TENM3: variants seen among roughly 807,000 people sequenced by gnomAD.
TENM3 encodes the protein teneurin-3.
In TENM3, 63 loss-of-function variants were observed where a neutral mutation model predicts 255.1. The observed-to-expected ratio is 0.25, with a 90% CI of 0.20 to 0.30. TENM3 has a LOEUF of 0.30. TENM3 is among the 10% of genes least tolerant of loss of function. The pLI, the probability that TENM3 is intolerant of heterozygous loss-of-function variation, is 1.00. For missense variants in TENM3, 2,929 were observed against 3,461.1 expected, an observed-to-expected ratio of 0.85 and a Z score of 3.86; for synonymous variants, 1,306 against 1,322.3, an observed-to-expected ratio of 0.99 and a Z score of 0.27.
At chr4:182,796,149 A>AT (rs1160344584) in intron 26 of TENM3, among the ~76,000 whole-genome samples, 1 of 152,192 alleles carries the variant, frequency 6.6e-6, no homozygotes, top group Non-Finnish European at 1.5e-5. Flanking sequence ...TCAACTGTTG[A>AT]TTTTAATACT....
chr4:182,359,056 C>T (rs1433378144), intron 3 of TENM3, among the ~76,000 whole-genome samples: 1 of 151,406 alleles, frequency 6.6e-6, no homozygotes, highest in Non-Finnish European at 1.5e-5. Context: ...GCCTTGCACC[C>T]CAGGGATGAA....
the TENM3 span, among the ~76,000 whole-genome samples, chr4:181,573,878 C>T: frequency 6.6e-6 from 1 of 152,158 alleles, no homozygotes; most frequent in African/African-American, 2.4e-5. Context: ...TTCTTCAGAA[C>T]AAACCTGTCC....
the TENM3 span, among the ~76,000 whole-genome samples, chr4:181,664,996 C>A: frequency 2.0e-5 from 3 of 152,172 alleles, no homozygotes; most frequent in South Asian, 4.1e-4. Flanking sequence ...TAGGGATTAA[C>A]TCCTTTCATA....
At chr4:181,739,659 C>T in the TENM3 span, among the ~76,000 whole-genome samples, 4 of 152,212 alleles carry the variant, frequency 2.6e-5, no homozygotes, top group South Asian at 2.1e-4. Flanking sequence ...GGTGAGTAGA[C>T]CAGCATCAAA....
chr4:181,616,798 C>T, the TENM3 span, among the ~76,000 whole-genome samples: 7 of 152,130 alleles, frequency 4.6e-5, no homozygotes, highest in Admixed American at 3.3e-4. Flanking sequence ...AGTAAATTCA[C>T]TCTGCCTTTT....
chr4:181,654,081 A>G, the TENM3 span, among the ~76,000 whole-genome samples: 1 of 151,662 alleles, frequency 6.6e-6, no homozygotes, highest in African/African-American at 2.4e-5. Context: ...CCCTCTTTCA[A>G]TCTCTTTCCA....
chr4:182,101,166 G>A, the TENM3 span, among the ~76,000 whole-genome samples: 22 of 20,576 alleles, frequency 1.1e-3, 1 homozygote, highest in Admixed American at 4.5e-3. Context: ...AAGGAAAGAA[G>A]GGAGGGAGGA....
At chr4:182,413,390 G>A (rs569835033) in intron 3 of TENM3, among the ~76,000 whole-genome samples, 3 of 152,284 alleles carry the variant, frequency 2.0e-5, no homozygotes, top group African/African-American at 7.2e-5. Flanking sequence ...GCTGAAGCAG[G>A]TGGATCACAT....
At chr4:182,109,345 A>G in the TENM3 span, among the ~76,000 whole-genome samples, 1 of 150,440 alleles carries the variant, frequency 6.6e-6, no homozygotes, top group Non-Finnish European at 1.5e-5. Flanking sequence ...TATAATTTAT[A>G]ATCACAACAT....
intron 1 of TENM3, among the ~76,000 whole-genome samples, chr4:182,202,299 C>CTTTTT (rs773698031): frequency 1.3e-4 from 13 of 100,604 alleles, no homozygotes; most frequent in African/African-American, 2.1e-4. Flanking sequence ...GTGCACTGCA[C>CTTTTT]TTTTTTTTTT....
intron 1 of TENM3, among the ~76,000 whole-genome samples, chr4:182,245,862 G>A (rs1020611665): frequency 2.0e-5 from 3 of 152,220 alleles, no homozygotes; most frequent in African/African-American, 7.2e-5. Context: ...TGCCTTCAGT[G>A]ATTTTACAGA....
the TENM3 span, among the ~76,000 whole-genome samples, chr4:181,511,924 A>T: frequency 6.6e-6 from 1 of 152,048 alleles, no homozygotes; most frequent in Admixed American, 6.6e-5. Flanking sequence ...TGAATATGGC[A>T]CCGGGGGCCC....
chr4:182,788,623 A>G (rs1765865541), intron 24 of TENM3, among the ~76,000 whole-genome samples: 3 of 152,196 alleles, frequency 2.0e-5, no homozygotes, highest in Admixed American at 6.5e-5. Flanking sequence ...CTCATTAATA[A>G]TTTACAGTAA....
chr4:182,783,190 G>GTACT (rs1156693772), intron 24 of TENM3, among the ~76,000 whole-genome samples: 3 of 152,178 alleles, frequency 2.0e-5, no homozygotes, highest in Admixed American at 1.3e-4. Flanking sequence ...GCAGCAGCTG[G>GTACT]TACTGGTTGT....
At chr4:181,626,272 G>A in the TENM3 span, among the ~76,000 whole-genome samples, 1 of 152,188 alleles carries the variant, frequency 6.6e-6, no homozygotes, top group Non-Finnish European at 1.5e-5. Context: ...AAAGGCCAGT[G>A]TGGCTGGAGG....
intron 5 of TENM3, among the ~76,000 whole-genome samples, chr4:182,648,577 G>A (rs576092236): frequency 6.6e-5 from 10 of 151,998 alleles, no homozygotes; most frequent in East Asian, 1.9e-4. Flanking sequence ...GAGCCACTGC[G>A]CCCTGCCTAA....
chr4:181,458,570 T>C, the TENM3 span, among the ~76,000 whole-genome samples: 10 of 151,876 alleles, frequency 6.6e-5, no homozygotes, highest in Non-Finnish European at 1.0e-4. Context: ...ACAGTTTACT[T>C]TGCATATTCT....
chr4:182,290,792 C>T (rs7698419), intron 1 of TENM3, among the ~76,000 whole-genome samples: 29,584 of 148,256 alleles, frequency 0.2, 3,487 homozygotes, highest in African/African-American at 0.33. Flanking sequence ...GGTGAGCCAC[C>T]GTGCCCGGCC....
At chr4:182,453,268 T>C (rs1184728867) in intron 3 of TENM3, among the ~76,000 whole-genome samples, 11 of 152,184 alleles carry the variant, frequency 7.2e-5, no homozygotes, top group Non-Finnish European at 1.5e-4. Context: ...CTTTTTGGTC[T>C]CCCAGAAACA....
Sources: gnomAD v4.1 joint callset for allele counts (sites outside exome capture counted in the v4.1 genomes callset) on GRCh38, gnomAD v4.1.1 for gene constraint, MANE v1.5 for transcripts, NCBI Gene and HGNC (gene_info 2026-07-23, HGNC 2026-07-21) for gene names.